TEX11: variants seen among roughly 807,000 people sequenced by gnomAD.
TEX11 encodes the protein testis expressed 11, also known as testis-expressed protein 11.
TEX11 carries 7 observed loss-of-function variants against 84.4 expected under a neutral mutation model. That is an observed-to-expected ratio of 0.08 (90% CI 0.05 to 0.16). The LOEUF is 0.16. Ranked by LOEUF, TEX11 falls within the 10% of genes least tolerant of loss-of-function variation. TEX11 has a pLI of 1.00. For missense variants in TEX11, 551 were observed against 660.5 expected (o/e 0.83, Z 1.82); for synonymous variants, 264 against 222.8 (o/e 1.18, Z -1.64).
At chrX:70,879,123 G>C (rs1365169197) in intron 3 of TEX11, among the ~76,000 whole-genome samples, 1 of 110,958 alleles carries the variant, frequency 9.0e-6, no homozygotes, top group Non-Finnish European at 1.9e-5. Context: ...GGGTGAGGGA[G>C]GGAAGAGGAT....
intron 13 of TEX11, among the ~76,000 whole-genome samples, chrX:70,721,390 T>C (rs1010719448): frequency 8.9e-6 from 1 of 111,766 alleles, no homozygotes; most frequent in African/African-American, 3.2e-5. Flanking sequence ...AAATTCTTTT[T>C]GGAAGAAGGA....
intron 28 of TEX11, among the ~76,000 whole-genome samples, chrX:70,548,687 C>A (rs764928582): frequency 4.5e-5 from 5 of 111,924 alleles, no homozygotes; most frequent in Non-Finnish European, 7.5e-5. Flanking sequence ...CAGAACTCAA[C>A]TGATGCTCAT....
At chrX:70,821,564 T>C (rs1182401806) in intron 8 of TEX11, among the ~76,000 whole-genome samples, 1 of 112,146 alleles carries the variant, frequency 8.9e-6, no homozygotes, top group East Asian at 2.8e-4. Context: ...CCAGAGCCCC[T>C]GCCACCCCAA....
rs1157918635 is a variant in TEX11 at position 70,670,559 on chromosome X, C to T, written c.1243-45G>A. The T allele has an allele frequency of 5.2e-6, 6 of 1,144,689 alleles. No homozygotes were observed. The East Asian group carries it at 1.5e-4, about 29-fold the overall frequency. 94.3% of individuals were successfully genotyped at this position (1,144,689 alleles called of 1,213,427 possible). ...AACAAAATCACAGCGATGTCGCTAC[C>T]CTATCTTTCCCAAGTCACCTCTAGA... On this transcript the variant is annotated intron_variant, in intron 15 of 29. Coordinates refer to ENST00000374333, the MANE Select transcript of TEX11 (RefSeq NM_031276.3).
At chrX:70,756,593 C>A (rs60098439) in intron 9 of TEX11, among the ~76,000 whole-genome samples, 1 of 111,607 alleles carries the variant, frequency 9.0e-6, no homozygotes, top group Non-Finnish European at 1.9e-5. Flanking sequence ...AGGACATCTA[C>A]GCCAAAACCC....
chrX:70,669,115 T>C (rs1325322166), intron 16 of TEX11, among the ~76,000 whole-genome samples: 2 of 111,930 alleles, frequency 1.8e-5, no homozygotes, highest in African/African-American at 3.2e-5. Context: ...CTTGAGTGAG[T>C]TGAAGGCAAC....
chrX:70,557,361 T>C (rs1470551235), intron 25 of TEX11, among the ~76,000 whole-genome samples: 1 of 106,586 alleles, frequency 9.4e-6, no homozygotes, highest in African/African-American at 3.4e-5. Context: ...TTCCAGCTAC[T>C]CAGGAGGCTG....
intron 28 of TEX11, among the ~76,000 whole-genome samples, chrX:70,549,957 G>A (rs762492335): frequency 8.9e-6 from 1 of 112,624 alleles, no homozygotes; most frequent in Non-Finnish European, 1.9e-5. Context: ...GAGACCCAGT[G>A]CTGTGCTGGC....
At chrX:70,530,879 C>A (rs762990847) in intron 28 of TEX11, among the ~76,000 whole-genome samples, 2 of 111,790 alleles carry the variant, frequency 1.8e-5, no homozygotes, top group African/African-American at 3.2e-5. Context: ...CATGTAAAGA[C>A]GACTTCACAA....
intron 16 of TEX11, among the ~76,000 whole-genome samples, chrX:70,663,298 T>C (rs924148298): frequency 8.9e-6 from 1 of 111,759 alleles, no homozygotes; most frequent in Non-Finnish European, 1.9e-5. Context: ...AGAAAATCCA[T>C]TTCATTGTTT....
chrX:70,736,626 C>G lies in TEX11; in HGVS notation c.843+4075G>C, dbSNP rs765191962. Among the ~76,000 whole-genome samples the G allele has an allele frequency of 1.6e-4, 18 of 109,211 alleles. No homozygotes were observed. In the East Asian group the frequency reaches 4.0e-3, roughly 24 times the overall value. The allele number at this position is 109,211 out of a possible 115,157, so 94.8% of individuals were successfully genotyped here. A position where few individuals can be genotyped will look rare whatever the true frequency, so the allele number is the denominator to read the frequency against. On this transcript the variant is annotated intron_variant, in intron 11 of 29. Coordinates refer to ENST00000374333, the MANE Select transcript of TEX11 (RefSeq NM_031276.3). ...TCTGCCTTCATGTAGATACAGAGTTCAAATTTACATTACTCATGTGGTCCA... is the reference window on the plus strand; with the variant it reads ...TCTGCCTTCATGTAGATACAGAGTTGAAATTTACATTACTCATGTGGTCCA...
At chrX:70,660,518 C>T (rs920496413) in intron 16 of TEX11, among the ~76,000 whole-genome samples, 2 of 110,120 alleles carry the variant, frequency 1.8e-5, no homozygotes, top group Non-Finnish European at 3.8e-5. Context: ...AAAACTAAGA[C>T]ATGAGCAAAC....
At chrX:70,565,721 C>T (rs868273106) in intron 25 of TEX11, among the ~76,000 whole-genome samples, 4 of 109,871 alleles carry the variant, frequency 3.6e-5, no homozygotes, top group Admixed American at 9.7e-5. Flanking sequence ...TGTAGATATG[C>T]GGCTTTATTT....
At position 70,629,819 on chromosome X, in the gene TEX11, T is replaced by C. The variant is rs2089489392; in HGVS notation, c.1484-84A>G. ...TATGGTTAATTATGCCACAATGAAT[T>C]TGGAACTTATTTTAAGAACATTTTT... is the stretch of plus-strand genomic sequence containing the variant. On this transcript the variant is annotated intron_variant, in intron 17 of 29. Coordinates refer to ENST00000374333, the MANE Select transcript of TEX11 (RefSeq NM_031276.3). 4.2e-6 allele frequency: 3 copies of C among 711,345 alleles called. No homozygotes were observed. In the African/African-American group the frequency reaches 6.7e-5, roughly 16 times the overall value. 58.6% of individuals were successfully genotyped at this position (711,345 alleles called of 1,213,427 possible). A position where few individuals can be genotyped will look rare whatever the true frequency, so the allele number is the denominator to read the frequency against.
chrX:70,661,712 G>A (rs757904223), intron 16 of TEX11, among the ~76,000 whole-genome samples: 40 of 110,992 alleles, frequency 3.6e-4, no homozygotes, highest in Non-Finnish European at 7.2e-4. Flanking sequence ...ACATTTGCCT[G>A]ATATCCACTG....
intron 28 of TEX11, among the ~76,000 whole-genome samples, chrX:70,547,332 G>C (rs767291170): frequency 1.8e-5 from 2 of 111,065 alleles, no homozygotes; most frequent in East Asian, 5.7e-4. Context: ...TGGCTGATTA[G>C]AAGCCTCCAC....
intron 7 of TEX11, among the ~76,000 whole-genome samples, chrX:70,837,851 G>A (rs1242643896): frequency 2.7e-5 from 3 of 111,621 alleles, no homozygotes; most frequent in Non-Finnish European, 5.6e-5. Context: ...TGGTGGTAGT[G>A]AACATGAATC....
intron 16 of TEX11, among the ~76,000 whole-genome samples, chrX:70,658,623 A>G (rs1470064924): frequency 9.0e-6 from 1 of 111,636 alleles, no homozygotes; most frequent in Non-Finnish European, 1.9e-5. Context: ...TGAAGTTAAG[A>G]AGGAATGAAG....
At chrX:70,774,909 CAACA>C (rs1436450200) in intron 9 of TEX11, among the ~76,000 whole-genome samples, 4 of 111,513 alleles carry the variant, frequency 3.6e-5, no homozygotes, top group Non-Finnish European at 7.5e-5. Context: ...ACAACAACAA[CAACA>C]AACAAAGCTG....
Sources: gnomAD v4.1 joint callset for allele counts (sites outside exome capture counted in the v4.1 genomes callset) on GRCh38, gnomAD v4.1.1 for gene constraint, MANE v1.5 for transcripts, NCBI Gene and HGNC (gene_info 2026-07-23, HGNC 2026-07-21) for gene names.